The following ASCC1 variants were observed in gnomAD, a reference collection of about 807,000 sequenced individuals.
ASCC1 encodes activating signal cointegrator 1 complex subunit 1.
Under a neutral mutation model 46.6 loss-of-function variants are expected in ASCC1, and 35 were observed. The observed-to-expected ratio is 0.75, with a 90% CI of 0.57 to 0.99. The LOEUF (loss-of-function observed/expected upper bound fraction) is 0.99, where lower values mean the gene tolerates loss of function less well. ASCC1 is among the 50% of genes least tolerant of loss of function. The pLI, the probability that ASCC1 is intolerant of heterozygous loss-of-function variation, is 0.00. For missense variants in ASCC1, 376 were observed against 428.7 expected, an observed-to-expected ratio of 0.88 and a Z score of 1.09; for synonymous variants, 143 against 146.6, an observed-to-expected ratio of 0.98 and a Z score of 0.18.
At chr10:72,205,403 G>T (rs184553386) in intron 3 of ASCC1, among the ~76,000 whole-genome samples, 1 of 152,188 alleles carries the variant, frequency 6.6e-6, no homozygotes, top group African/African-American at 2.4e-5. Flanking sequence ...GCCGAGGTGG[G>T]GGGGATCACC....
chr10:72,115,342 G>GC (rs1843380744), intron 9 of ASCC1, among the ~76,000 whole-genome samples: 1 of 142,698 alleles, frequency 7.0e-6, no homozygotes, highest in Admixed American at 6.7e-5. Context: ...AGTAGGGAGA[G>GC]GGGGGTAGCT....
intron 9 of ASCC1, among the ~76,000 whole-genome samples, chr10:72,113,135 T>C (rs888537726): frequency 1.3e-5 from 2 of 152,254 alleles, no homozygotes; most frequent in Non-Finnish European, 2.9e-5. Context: ...TAGTGTTTTA[T>C]ATTTAGTAGG....
intron 9 of ASCC1, among the ~76,000 whole-genome samples, chr10:72,098,874 T>C (rs1841400082): frequency 6.6e-6 from 1 of 152,220 alleles, no homozygotes; most frequent in African/African-American, 2.4e-5. Context: ...GGCAGCCTGC[T>C]TAAACCATAT....
intron 5 of ASCC1, among the ~76,000 whole-genome samples, chr10:72,172,944 ATAT>A (rs1443699570): frequency 1.1e-4 from 15 of 137,396 alleles, no homozygotes; most frequent in Admixed American, 4.9e-4. Context: ...TTTATATTAT[ATAT>A]TATATTTTAT....
chr10:72,206,387 A>G (rs1857219262), intron 3 of ASCC1, among the ~76,000 whole-genome samples: 2 of 152,146 alleles, frequency 1.3e-5, no homozygotes, highest in Admixed American at 1.3e-4. Context: ...CTGGGCAACA[A>G]GAGCGAAACT....
chr10:72,122,877 T>G (rs1450426867), intron 9 of ASCC1, among the ~76,000 whole-genome samples: 2 of 152,168 alleles, frequency 1.3e-5, no homozygotes, highest in African/African-American at 4.8e-5. Flanking sequence ...TATCAAAATT[T>G]GTAGGATACA....
intron 7 of ASCC1, among the ~76,000 whole-genome samples, chr10:72,144,866 G>T (rs918996275): frequency 6.6e-6 from 1 of 151,876 alleles, no homozygotes; most frequent in Non-Finnish European, 1.5e-5. Context: ...ATTTACCCAC[G>T]ATTGCTTTCT....
chr10:72,102,679 T>C (rs1250536673), intron 9 of ASCC1, among the ~76,000 whole-genome samples: 2 of 152,104 alleles, frequency 1.3e-5, no homozygotes, highest in African/African-American at 2.4e-5. Flanking sequence ...CCAATAATTA[T>C]ACATTAAAAG....
At chr10:72,099,523 A>G (rs1050736672) in intron 9 of ASCC1, among the ~76,000 whole-genome samples, 5 of 152,136 alleles carry the variant, frequency 3.3e-5, no homozygotes, top group African/African-American at 1.2e-4. Context: ...CAAAGACCTC[A>G]TAAGAGCAAG....
chr10:72,141,552 T>C (rs981237518), intron 7 of ASCC1, among the ~76,000 whole-genome samples: 5 of 152,190 alleles, frequency 3.3e-5, no homozygotes, highest in Admixed American at 3.3e-4. Context: ...AAAATAAAAC[T>C]CTGGGAGTAA....
chr10:72,135,417 C>T (rs539953200), intron 7 of ASCC1, among the ~76,000 whole-genome samples: 1 of 152,238 alleles, frequency 6.6e-6, no homozygotes, highest in African/African-American at 2.4e-5. Flanking sequence ...TGACATTTGA[C>T]AGAGACCTGA....
At chr10:72,156,614 T>G (rs1189024389) in intron 6 of ASCC1, among the ~76,000 whole-genome samples, 2 of 151,554 alleles carry the variant, frequency 1.3e-5, no homozygotes, top group African/African-American at 4.9e-5. Flanking sequence ...CTACTAAATA[T>G]ACAAAAAACT....
intron 7 of ASCC1, among the ~76,000 whole-genome samples, chr10:72,148,084 A>T (rs977283690): frequency 6.6e-6 from 1 of 152,216 alleles, no homozygotes; most frequent in East Asian, 1.9e-4. Flanking sequence ...ACGGCATCAA[A>T]CTGTGCTAGT....
chr10:72,101,576 G>A (rs1196796683), intron 9 of ASCC1, among the ~76,000 whole-genome samples: 1 of 152,096 alleles, frequency 6.6e-6, no homozygotes, highest in East Asian at 1.9e-4. Flanking sequence ...GAAGCAGTGA[G>A]AAAGACAGAA....
chr10:72,175,892 T>TTG (rs377191151), intron 5 of ASCC1, among the ~76,000 whole-genome samples: 10 of 152,350 alleles, frequency 6.6e-5, no homozygotes, highest in African/African-American at 2.2e-4. Context: ...TCTGATGGGT[T>TTG]AACAGCGCAA....
chr10:72,206,197 G>A (rs1857188190), intron 3 of ASCC1, among the ~76,000 whole-genome samples: 1 of 151,724 alleles, frequency 6.6e-6, no homozygotes, highest in African/African-American at 2.4e-5. Context: ...CTGAGGTCAG[G>A]AGTTGGAAAC....
chr10:72,167,350 T>C (rs1429460694), intron 5 of ASCC1, among the ~76,000 whole-genome samples: 12 of 152,186 alleles, frequency 7.9e-5, no homozygotes, highest in Non-Finnish European at 2.9e-5. Flanking sequence ...AGAAGCCAGA[T>C]GCAAAAGACT....
intron 5 of ASCC1, among the ~76,000 whole-genome samples, chr10:72,173,008 ATATT>A (rs1851432786): frequency 7.3e-6 from 1 of 137,588 alleles, no homozygotes; most frequent in Non-Finnish European, 1.6e-5. Context: ...TATATTTCTT[ATATT>A]TTTTTATATA....
intron 3 of ASCC1, among the ~76,000 whole-genome samples, chr10:72,206,999 T>C (rs1857312466): frequency 6.6e-6 from 1 of 152,074 alleles, no homozygotes; most frequent in Admixed American, 6.6e-5. Flanking sequence ...CATGGTGCCA[T>C]CCCCATCAAA....
Sources: allele counts gnomAD v4.1 joint callset (sites outside exome capture counted in the v4.1 genomes callset), GRCh38; gene constraint gnomAD v4.1.1; transcripts MANE v1.5; gene names NCBI Gene and HGNC (gene_info 2026-07-23, HGNC 2026-07-21).